The following PHIP variants were observed in gnomAD, a reference collection of about 807,000 sequenced individuals.
PHIP encodes the protein PHIP subunit of CUL4-Ring ligase complex, also known as PH-interacting protein.
PHIP carries 54 observed loss-of-function variants against 236.8 expected under a neutral mutation model. That is an observed-to-expected ratio of 0.23 (90% CI 0.18 to 0.29). PHIP has a LOEUF of 0.29. Among genes scored for constraint, PHIP ranks in the 10% least tolerant of loss-of-function variants. The pLI, the probability that PHIP is intolerant of heterozygous loss-of-function variation, is 1.00. For missense variants in PHIP, 1,370 were observed against 2,190.8 expected (o/e 0.63, Z 7.48); for synonymous variants, 756 against 718.9 (o/e 1.05, Z -0.83).
chr6:79,005,705 G>C (rs180865722), intron 15 of PHIP, among the ~76,000 whole-genome samples: 27 of 152,160 alleles, frequency 1.8e-4, no homozygotes, highest in Admixed American at 1.7e-3. Flanking sequence ...ATTTGAAGTA[G>C]AGTGGAGACT....
At position 78,946,883 on chromosome 6, in the gene PHIP, GAAA is replaced by G; in HGVS notation, c.4207-12_4207-10del. On this transcript the variant is annotated splice_polypyrimidine_tract_variant and intron_variant, in intron 36 of 39. Transcript: ENST00000275034. ...AAACTCATGCTGTAAATCTGTGAGG[GAAA>G]AAAAAAAGTGTTCAACCATTCCTTG... 2 of 1,310,554 alleles carry G rather than the reference GAAA, an allele frequency of 1.5e-6. No individual in the cohort carries two copies. Among genetic ancestry groups the G allele is most frequent in the Non-Finnish European group, 2.0e-6 (2 of 977,104 alleles). The allele number at this position is 1,310,554 out of a possible 1,614,324, so 81.2% of individuals were successfully genotyped here. A position where few individuals can be genotyped will look rare whatever the true frequency, so the allele number is the denominator to read the frequency against.
At chr6:79,018,689 T>C (rs568624630) in intron 10 of PHIP, among the ~76,000 whole-genome samples, 4 of 152,116 alleles carry the variant, frequency 2.6e-5, no homozygotes, top group African/African-American at 9.6e-5. Flanking sequence ...CTGATAAAGA[T>C]GTACAAATAT....
chr6:79,036,435 T>C (rs575678399), intron 7 of PHIP, among the ~76,000 whole-genome samples: 344 of 152,310 alleles, frequency 2.3e-3, no homozygotes, highest in African/African-American at 8.0e-3. Flanking sequence ...TTATCAAACA[T>C]GCTAAATGCT....
intron 6 of PHIP, among the ~76,000 whole-genome samples, chr6:79,059,618 T>C (rs1368709864): frequency 8.8e-6 from 1 of 113,980 alleles, no homozygotes; most frequent in Non-Finnish European, 1.8e-5. Flanking sequence ...TATATATATA[T>C]ATATATAAAA....
At position 78,935,609 on chromosome 6, in the gene PHIP, A is replaced by T; in HGVS notation, c.*5084T>A. On this transcript the variant is annotated 3_prime_UTR_variant, in exon 40 of 40. Transcript: ENST00000275034. ...AAATTGTTTTATTAAATGTACACAT[A>T]AAAAGGCATATAAGTTTTTGACCTT... The T allele has an allele frequency of 1.0e-6, 1 of 979,366 alleles. No homozygotes were observed. Among genetic ancestry groups the T allele is most frequent in the Non-Finnish European group, 1.2e-6 (1 of 824,354 alleles). The allele number at this position is 979,366 out of a possible 1,614,324, so 60.7% of individuals were successfully genotyped here. A position where few individuals can be genotyped will look rare whatever the true frequency, so the allele number is the denominator to read the frequency against.
chr6:78,971,182 C>T (rs536434042), intron 24 of PHIP, among the ~76,000 whole-genome samples: 3 of 152,238 alleles, frequency 2.0e-5, no homozygotes, highest in Non-Finnish European at 4.4e-5. Context: ...TGCATAATAA[C>T]GTTGACTAAT....
chr6:78,999,142 G>A (rs1421865817), intron 17 of PHIP, among the ~76,000 whole-genome samples: 1 of 152,152 alleles, frequency 6.6e-6, no homozygotes, highest in East Asian at 1.9e-4. Context: ...AGGTACAAAC[G>A]CTGTGAAGCA....
chr6:78,946,620 G>A, intron 37 of PHIP, 91 bp downstream of exon 37: 2 of 1,455,518 alleles, frequency 1.4e-6, no homozygotes, highest in East Asian at 2.5e-5. Context: ...GCAATATAGG[G>A]AATAGTAAAG....
chr6:78,961,286 G>T (rs934004332), intron 31 of PHIP, among the ~76,000 whole-genome samples: 1 of 151,442 alleles, frequency 6.6e-6, no homozygotes, highest in Non-Finnish European at 1.5e-5. Flanking sequence ...TACATAATAC[G>T]AATACAAAAT....
chr6:79,077,652 G>C, intron 3 of PHIP, 48 bp downstream of exon 3: 5 of 943,688 alleles, frequency 5.3e-6, no homozygotes, highest in Non-Finnish European at 6.3e-6. Context: ...CAGCGGCCCA[G>C]AGGCGGCCGC....
intron 24 of PHIP, among the ~76,000 whole-genome samples, chr6:78,977,460 G>T (rs1442623971): frequency 6.6e-6 from 1 of 152,012 alleles, no homozygotes; most frequent in Non-Finnish European, 1.5e-5. Flanking sequence ...CACCAGCATG[G>T]CACATGTATA....
At chr6:78,949,610 C>G (rs998024056) in intron 35 of PHIP, among the ~76,000 whole-genome samples, 2 of 152,114 alleles carry the variant, frequency 1.3e-5, no homozygotes, top group Non-Finnish European at 2.9e-5. Flanking sequence ...CTCTCCTACC[C>G]AACCAAAACC....
chr6:78,941,760 G>A (rs528162712), intron 39 of PHIP, among the ~76,000 whole-genome samples: 54 of 152,146 alleles, frequency 3.5e-4, no homozygotes, highest in African/African-American at 1.3e-3. Flanking sequence ...GTAATAAATG[G>A]CAAATGACTA....
intron 9 of PHIP, among the ~76,000 whole-genome samples, chr6:79,022,103 T>C (rs1771147440): frequency 1.3e-5 from 2 of 152,226 alleles, no homozygotes; most frequent in African/African-American, 2.4e-5. Context: ...ATGCATTATT[T>C]GAGGAAACAT....
chr6:78,965,865 G>A (rs1767092677), intron 28 of PHIP, 80 bp downstream of exon 28: 1 of 1,192,256 alleles, frequency 8.4e-7, no homozygotes, highest in Non-Finnish European at 1.2e-6. Context: ...TTTAAAAGAA[G>A]TCTCTTTATC....
intron 7 of PHIP, among the ~76,000 whole-genome samples, chr6:79,029,342 T>G (rs908863333): frequency 1.6e-4 from 24 of 152,212 alleles, no homozygotes; most frequent in African/African-American, 5.8e-4. Context: ...CTTGTGATAA[T>G]TAATTTAACT....
At chr6:78,955,844 C>CCTG in intron 32 of PHIP, 162 bp from the exon 33 acceptor site, 1 of 416,764 alleles carries the variant, frequency 2.4e-6, no homozygotes, top group Non-Finnish European at 4.4e-6. Flanking sequence ...ACATTTAACC[C>CCTG]TGACCCCTCC....
rs1481117632 is a variant in PHIP, at chr6:78,935,433, C to T, written c.*5260G>A. 5.6e-6 allele frequency: 5 copies of T among 887,860 alleles called. No homozygotes were observed. The highest frequency in any genetic ancestry group is 6.7e-6 in the Non-Finnish European group (5 of 741,366). The allele number at this position is 887,860 out of a possible 1,614,324, so 55.0% of individuals were successfully genotyped here. A position where few individuals can be genotyped will look rare whatever the true frequency, so the allele number is the denominator to read the frequency against. On this transcript the variant is annotated 3_prime_UTR_variant, in exon 40 of 40. Transcript: ENST00000275034. Reference sequence around the variant, plus strand: ...AAATTTCTAGGAAAACTGCAATAACCTTCTTTCCATCATTCCTTTTTTCCC... The same window carrying T: ...AAATTTCTAGGAAAACTGCAATAACTTTCTTTCCATCATTCCTTTTTTCCC...
chr6:79,038,112 TC>T (rs1428723027), intron 7 of PHIP, among the ~76,000 whole-genome samples: 2 of 152,244 alleles, frequency 1.3e-5, no homozygotes, highest in African/African-American at 4.8e-5. Context: ...GCAATTTCAT[TC>T]CTATCCCCAA....
Sources: allele counts gnomAD v4.1 joint callset (sites outside exome capture counted in the v4.1 genomes callset), GRCh38; gene constraint gnomAD v4.1.1; transcripts MANE v1.5; gene names NCBI Gene and HGNC (gene_info 2026-07-23, HGNC 2026-07-21).